The following MSRA variants were observed in gnomAD, a reference collection of about 807,000 sequenced individuals.
MSRA encodes mitochondrial peptide methionine sulfoxide reductase.
Under a neutral mutation model 31.3 loss-of-function variants are expected in MSRA, and 54 were observed. That is an observed-to-expected ratio of 1.73 (90% CI 1.39 to 2.17). The LOEUF (loss-of-function observed/expected upper bound fraction) is 2.17. Ranked by LOEUF, MSRA falls within the 30% of genes most tolerant of loss-of-function variation. The probability of loss-of-function intolerance (pLI) is 0.00; values close to 1 mark genes in which losing one functional copy is unlikely to be tolerated. For synonymous variants in MSRA, 169 were observed against 116.5 expected (o/e 1.45, Z -2.90); for missense variants, 507 against 300.9 (o/e 1.69, Z -5.07).
chr8:10,247,639 G>C (rs928408797), intron 3 of MSRA, among the ~76,000 whole-genome samples: 1 of 152,140 alleles, frequency 6.6e-6, no homozygotes, highest in African/African-American at 2.4e-5. Flanking sequence ...AACTCGATTG[G>C]ATATGAACAC....
intron 4 of MSRA, among the ~76,000 whole-genome samples, chr8:10,318,153 G>A (rs1314654552): frequency 6.6e-6 from 1 of 152,222 alleles, no homozygotes; most frequent in Non-Finnish European, 1.5e-5. Flanking sequence ...CATTTTGGAA[G>A]GAGAAAGGGC....
chr8:10,238,215 C>A (rs138739160), intron 2 of MSRA, among the ~76,000 whole-genome samples: 271 of 152,314 alleles, frequency 1.8e-3, no homozygotes, highest in African/African-American at 6.0e-3. Flanking sequence ...CTGGGGATAT[C>A]TGAATGGGTG....
At chr8:10,294,412 C>T (rs1463697834) in intron 3 of MSRA, among the ~76,000 whole-genome samples, 1 of 152,156 alleles carries the variant, frequency 6.6e-6, no homozygotes, top group Non-Finnish European at 1.5e-5. Flanking sequence ...TTGAGCTAAT[C>T]ATCAGGACAG....
At chr8:10,357,967 G>C (rs1275976520) in intron 5 of MSRA, among the ~76,000 whole-genome samples, 3 of 152,140 alleles carry the variant, frequency 2.0e-5, no homozygotes, top group Admixed American at 1.3e-4. Flanking sequence ...TTGTTGTCCA[G>C]GCTAGAGTGC....
intron 1 of MSRA, among the ~76,000 whole-genome samples, chr8:10,157,498 G>C (rs572871175): frequency 2.3e-4 from 35 of 152,248 alleles, no homozygotes; most frequent in Non-Finnish European, 4.4e-4. Flanking sequence ...GGGGGTGGAG[G>C]TGCATGAGGA....
At chr8:10,160,013 A>C (rs1804497848) in intron 1 of MSRA, among the ~76,000 whole-genome samples, 1 of 152,222 alleles carries the variant, frequency 6.6e-6, no homozygotes, top group Admixed American at 6.5e-5. Flanking sequence ...CCTTTAGAAA[A>C]GTGGTCTATA....
At chr8:10,186,730 G>C (rs1012266761) in intron 1 of MSRA, among the ~76,000 whole-genome samples, 2 of 152,204 alleles carry the variant, frequency 1.3e-5, no homozygotes, top group African/African-American at 4.8e-5. Context: ...GGCTGTGATG[G>C]GTGGGGCGGG....
chr8:10,302,274 A>G (rs1224182309), intron 4 of MSRA, among the ~76,000 whole-genome samples: 1 of 152,268 alleles, frequency 6.6e-6, no homozygotes, highest in Non-Finnish European at 1.5e-5. Flanking sequence ...GGCAAATATC[A>G]TTGTAATATT....
chr8:10,315,664 AT>A (rs1353296190), intron 4 of MSRA, among the ~76,000 whole-genome samples: 2 of 152,194 alleles, frequency 1.3e-5, no homozygotes, highest in East Asian at 3.9e-4. Context: ...CTTGGTACTG[AT>A]TTCAATGTAA....
At chr8:10,141,728 T>G (rs557374169) in intron 1 of MSRA, among the ~76,000 whole-genome samples, 11 of 152,318 alleles carry the variant, frequency 7.2e-5, no homozygotes, top group South Asian at 2.1e-4. Context: ...CTTTTTTTTT[T>G]TTTGTTTTAA....
At chr8:10,352,379 A>G (rs760002687) in intron 5 of MSRA, among the ~76,000 whole-genome samples, 3 of 152,208 alleles carry the variant, frequency 2.0e-5, no homozygotes, top group Non-Finnish European at 4.4e-5. Context: ...TAGTGTTTGG[A>G]AAGAGTTCTC....
intron 3 of MSRA, among the ~76,000 whole-genome samples, chr8:10,300,988 A>G (rs1246284999): frequency 1.3e-5 from 2 of 152,148 alleles, no homozygotes; most frequent in Non-Finnish European, 1.5e-5. Context: ...CCTGCTGGGT[A>G]TTTAAATCTG....
At chr8:10,368,709 G>C (rs954972371) in intron 5 of MSRA, among the ~76,000 whole-genome samples, 1 of 152,248 alleles carries the variant, frequency 6.6e-6, no homozygotes, top group Non-Finnish European at 1.5e-5. Flanking sequence ...GTTTGTATCT[G>C]ATCCTGAGTT....
At chr8:10,418,044 T>A (rs1346355716) in intron 5 of MSRA, among the ~76,000 whole-genome samples, 2 of 152,170 alleles carry the variant, frequency 1.3e-5, no homozygotes, top group African/African-American at 4.8e-5. Context: ...AGCCCGACCC[T>A]AATTTCCGAT....
At chr8:10,173,647 C>T (rs1309354549) in intron 1 of MSRA, among the ~76,000 whole-genome samples, 2 of 152,190 alleles carry the variant, frequency 1.3e-5, no homozygotes, top group Admixed American at 1.3e-4. Flanking sequence ...CCGCTTGTCT[C>T]TTTTCCGGGC....
chr8:10,418,398 G>A (rs886085238), intron 5 of MSRA, among the ~76,000 whole-genome samples: 3 of 152,154 alleles, frequency 2.0e-5, no homozygotes, highest in Non-Finnish European at 4.4e-5. Context: ...ACCGCTGAGT[G>A]GATCTGCCTG....
intron 5 of MSRA, among the ~76,000 whole-genome samples, chr8:10,332,367 T>C (rs2129144646): frequency 6.6e-6 from 1 of 152,342 alleles, no homozygotes; most frequent in Admixed American, 6.5e-5. Flanking sequence ...TCTGTGCTTT[T>C]GTTTAAAGCA....
At chr8:10,262,566 G>A (rs1341603379) in intron 3 of MSRA, among the ~76,000 whole-genome samples, 1 of 152,038 alleles carries the variant, frequency 6.6e-6, no homozygotes, top group Non-Finnish European at 1.5e-5. Context: ...TTTTATTTGG[G>A]TTGTTGTTTT....
chr8:10,398,922 C>T (rs986264178), intron 5 of MSRA, among the ~76,000 whole-genome samples: 2 of 152,162 alleles, frequency 1.3e-5, no homozygotes, highest in Non-Finnish European at 2.9e-5. Context: ...AGCTTCCTGG[C>T]AGAAGCCCCT....
Sources: gnomAD v4.1 joint callset for allele counts (sites outside exome capture counted in the v4.1 genomes callset) on GRCh38, gnomAD v4.1.1 for gene constraint, MANE v1.5 for transcripts, NCBI Gene and HGNC (gene_info 2026-07-23, HGNC 2026-07-21) for gene names.